APBB1: variants seen among roughly 807,000 people sequenced by gnomAD.
APBB1 encodes adaptor protein FE65a2.
Under a neutral mutation model 78.4 loss-of-function variants are expected in APBB1, and 22 were observed. That is an observed-to-expected ratio of 0.28 (90% CI 0.20 to 0.40). The LOEUF (loss-of-function observed/expected upper bound fraction) is 0.40. Among genes scored for constraint, APBB1 ranks in the 10% least tolerant of loss-of-function variants. The pLI is 1.00. For missense variants in APBB1, 749 were observed against 932.4 expected (o/e 0.80, Z 2.56); for synonymous variants, 369 against 372.7 (o/e 0.99, Z 0.12).
At chr11:6,399,010 CAT>C (rs2134047245) in intron 12 of APBB1, among the ~76,000 whole-genome samples, 1 of 152,318 alleles carries the variant, frequency 6.6e-6, no homozygotes, top group South Asian at 2.1e-4. Flanking sequence ...TGTCTTTTGA[CAT>C]GATACCCTAC....
At chr11:6,418,817 G>A (rs975781941) in intron 1 of APBB1, among the ~76,000 whole-genome samples, 168 bp downstream of exon 1, 2 of 152,190 alleles carry the variant, frequency 1.3e-5, no homozygotes, top group Non-Finnish European at 2.9e-5. Context: ...GCGATGGTGG[G>A]TATGAGAGGA....
intron 2 of APBB1, chr11:6,405,034 G>A: frequency 1.4e-6 from 2 of 1,417,538 alleles, no homozygotes; most frequent in Non-Finnish European, 1.8e-6. Flanking sequence ...GAGAAAGGGA[G>A]GTTCATGAGA....
intron 2 of APBB1, chr11:6,405,467 G>C: frequency 1.0e-6 from 1 of 986,726 alleles, no homozygotes. Flanking sequence ...GACTGCTGAC[G>C]TGCTTCCCGT....
chr11:6,403,906 A>C lies in APBB1; in HGVS notation c.722-84T>G. On this transcript the variant is annotated intron_variant, in intron 2 of 14. Transcript: ENST00000609360. This position sits in a 1 kb window ranked among gnomAD's most constrained non-coding sequence, Gnocchi z 5.3. ...TATGCCCGGTCCCCTCTGAGACCCCATGGTTGAGAAGGGGTGGTGGAAGAG... is the reference window on the plus strand; with the variant it reads ...TATGCCCGGTCCCCTCTGAGACCCCCTGGTTGAGAAGGGGTGGTGGAAGAG... 5.6e-6 allele frequency: 8 copies of C among 1,417,490 alleles called. No individual in the cohort carries two copies. Among genetic ancestry groups the C allele is most frequent in the Non-Finnish European group, 7.6e-6 (8 of 1,051,732 alleles). The allele number at this position is 1,417,490 out of a possible 1,614,324, so 87.8% of individuals were successfully genotyped here. A position where few individuals can be genotyped will look rare whatever the true frequency, so the allele number is the denominator to read the frequency against.
intron 2 of APBB1, among the ~76,000 whole-genome samples, chr11:6,409,018 T>C (rs1308804848): frequency 6.6e-6 from 1 of 152,088 alleles, no homozygotes; most frequent in Non-Finnish European, 1.5e-5. Context: ...AATAATGATA[T>C]TGTGGTGGGT....
chr11:6,410,060 C>T (rs1016789169), intron 2 of APBB1, among the ~76,000 whole-genome samples: 2 of 151,048 alleles, frequency 1.3e-5, no homozygotes, highest in South Asian at 4.2e-4. Flanking sequence ...GGCAGACTGG[C>T]GACAGAGTGA....
rs1269453709 is a variant in APBB1 at position 6,403,804 on chromosome 11, T to C, written c.740A>G (p.Asn247Ser). ...CAGGTCGGAATCCGTCTCGAAGGCG[T>C]TGGGGTTCCAGAAGGAATCTGCCAG... ...PEDTDSFWNP[N>S]AFETDSDLPA... Residue 247 changes from asparagine to serine, a missense_variant, in exon 3 of 15, where the codon AAC (asparagine) becomes AGC (serine). Physicochemically the swap from Asn to Ser is conservative, Grantham distance 46 (BLOSUM62 1). This residue lies in a region of APBB1 where 635 missense variants were observed against 765.0 expected (regional missense o/e 0.83). Transcript: ENST00000609360. This position sits in a 1 kb window ranked among gnomAD's most constrained non-coding sequence, Gnocchi z 5.3. 1.3e-6 allele frequency: 2 copies of C among 1,554,528 alleles called. No individual in the cohort carries two copies. Among genetic ancestry groups the C allele is most frequent in the Non-Finnish European group, 1.7e-6 (2 of 1,149,616 alleles).
intron 12 of APBB1, among the ~76,000 whole-genome samples, chr11:6,400,688 T>C (rs934611748): frequency 6.6e-6 from 1 of 152,230 alleles, no homozygotes; most frequent in African/African-American, 2.4e-5. Flanking sequence ...TCCAGTCATC[T>C]AACATCAGCC....
intron 12 of APBB1, among the ~76,000 whole-genome samples, chr11:6,397,339 C>T (rs1275843575): frequency 6.6e-6 from 1 of 152,224 alleles, no homozygotes. Flanking sequence ...CTAGCTGGAT[C>T]AAGGCCAAAC....
chr11:6,411,181 TC>T lies in APBB1; in HGVS notation c.166del (p.Glu56ArgfsTer15). The T allele has an allele frequency of 6.2e-7, 1 of 1,607,862 alleles. No homozygotes were observed. ...GPKDLRSAMG[E>X]GGGPEPGPAN... ...AGGGCCTGGCTCAGGCCCACCACCC[TC>T]CCCCATGGCGCTGCGCAGGTCCTTG... On this transcript the variant is annotated frameshift_variant, in exon 2 of 15. Coordinates refer to ENST00000609360, the MANE Select transcript of APBB1 (RefSeq NM_001164.5). LOFTEE classifies it high-confidence loss of function. This position sits in a 1 kb window ranked among gnomAD's most constrained non-coding sequence, Gnocchi z 5.2.
At chr11:6,406,750 T>G (rs1848815701) in intron 2 of APBB1, among the ~76,000 whole-genome samples, 2 of 152,086 alleles carry the variant, frequency 1.3e-5, no homozygotes, top group South Asian at 4.1e-4. Flanking sequence ...CCTTCAGACA[T>G]CAGTATACAG....
rs554887516 is a variant in APBB1, at chr11:6,417,029, C to A, written c.-15+1956G>T. Among the ~76,000 whole-genome samples, 207 of 152,346 alleles carry A rather than the reference C, an allele frequency of 1.4e-3. 1 individual carries two copies. The highest frequency in any genetic ancestry group is 4.5e-3 in the African/African-American group (189 of 41,580). The stretch of plus-strand genomic sequence containing the variant: ...AAAGTGCTGGGATTACAGGCGTGAG[C>A]CATCACGCCTGGCCCTTAAGACCAA... On this transcript the variant is annotated intron_variant, in intron 1 of 14. Coordinates refer to ENST00000609360, the MANE Select transcript of APBB1 (RefSeq NM_001164.5).
In APBB1 at chr11:6,403,038, C is replaced by T; in HGVS notation, c.1104+107G>A. On this transcript the variant is annotated intron_variant, in intron 6 of 14. Coordinates refer to ENST00000609360, the MANE Select transcript of APBB1 (RefSeq NM_001164.5). The surrounding 1 kb of genome is among the most constrained non-coding windows in gnomAD (Gnocchi z 5.3). ...GTGCTGAGACTGGAAGAACTCCTAA[C>T]TCAGGACCTGGGGAACTGCGCTGAG... 8.8e-7 allele frequency: 1 copy of T among 1,132,778 alleles called. No individual in the cohort carries two copies. Among genetic ancestry groups the T allele is most frequent in the Non-Finnish European group, 1.3e-6 (1 of 786,918 alleles). The allele number at this position is 1,132,778 out of a possible 1,614,324, so 70.2% of individuals were successfully genotyped here.
intron 1 of APBB1, among the ~76,000 whole-genome samples, chr11:6,415,538 G>T (rs1348851527): frequency 6.6e-6 from 1 of 152,184 alleles, no homozygotes; most frequent in Non-Finnish European, 1.5e-5. Context: ...ATATCATGAA[G>T]GAGGAAGAGG....
In APBB1 at chr11:6,411,066, G is replaced by A. The variant is rs1329338212; in HGVS notation, c.282C>T (p.Thr94=). The change falls in exon 2 of 15, where the codon ACC becomes ACT. Residue 94 remains threonine (T), a synonymous_variant. Coordinates refer to ENST00000609360, the MANE Select transcript of APBB1 (RefSeq NM_001164.5). This position sits in a 1 kb window ranked among gnomAD's most constrained non-coding sequence, Gnocchi z 5.2. ...HRDQNRNVTL[T]LAEEASQEPE... is the part of the protein sequence containing the mutation. ...GCTCCTGGCTGGCCTCCTCCGCCAA[G>A]GTCAAGGTCACATTGCGATTCTGGT... The A allele has an allele frequency of 6.2e-7, 1 of 1,613,776 alleles. No homozygotes were observed. Among genetic ancestry groups the A allele is most frequent in the African/African-American group, 1.3e-5 (1 of 74,950 alleles).
chr11:6,410,096 C>A (rs571006927), intron 2 of APBB1, among the ~76,000 whole-genome samples: 3 of 149,572 alleles, frequency 2.0e-5, no homozygotes, highest in Non-Finnish European at 4.5e-5. Context: ...AAAAAAAAAA[C>A]GGGGCCGACT....
At chr11:6,415,465 C>A (rs1372011097) in intron 1 of APBB1, among the ~76,000 whole-genome samples, 2 of 152,228 alleles carry the variant, frequency 1.3e-5, no homozygotes, top group African/African-American at 4.8e-5. Context: ...TGTTACAATG[C>A]AGTGTAACAC....
intron 7 of APBB1, 94 bp from the exon 8 acceptor site, chr11:6,402,303 T>G (rs1475248189): frequency 2.6e-6 from 4 of 1,543,968 alleles, no homozygotes; most frequent in Non-Finnish European, 3.5e-6. Context: ...GCCACAGCTC[T>G]GGGGCCCCTG....
Position 6,401,269 on chromosome 11 carries a change from G to C in APBB1, c.1588+76C>G, listed in dbSNP as rs760616654. 1 of 1,613,188 alleles carries C rather than the reference G, an allele frequency of 6.2e-7. No individual in the cohort carries two copies. The stretch of plus-strand genomic sequence containing the variant: ...TCATTTTTCTATCAGCGCTGTCCAG[G>C]AGCTCATGCCTTTCCTTGGGTCACC... On this transcript the variant is annotated intron_variant, in intron 11 of 14. Transcript: ENST00000609360. This position sits in a 1 kb window ranked among gnomAD's most constrained non-coding sequence, Gnocchi z 4.5.
Sources: gnomAD v4.1 joint callset for allele counts (sites outside exome capture counted in the v4.1 genomes callset) on GRCh38, gnomAD v4.1.1 for gene constraint, gnomAD v4.1.1 regional missense constraint, Gnocchi (gnomAD v3.1) non-coding constraint, MANE v1.5 for transcripts, NCBI Gene and HGNC (gene_info 2026-07-23, HGNC 2026-07-21) for gene names.